The following ACTR3B variants were observed in gnomAD, a reference collection of about 807,000 sequenced individuals.
ACTR3B encodes actin-related protein 3B.
In ACTR3B, 8 loss-of-function variants were observed where a neutral mutation model predicts 59.0. That is an observed-to-expected ratio of 0.14 (90% CI 0.08 to 0.24). The LOEUF (loss-of-function observed/expected upper bound fraction) is 0.24, where lower values mean the gene tolerates loss of function less well. ACTR3B is among the 10% of genes least tolerant of loss of function. ACTR3B has a pLI of 1.00. For synonymous variants in ACTR3B, 148 were observed against 197.9 expected (o/e 0.75, Z 2.12); for missense variants, 245 against 552.3 (o/e 0.44, Z 5.58).
intron 9 of ACTR3B, among the ~76,000 whole-genome samples, chr7:152,837,990 T>G (rs1255183417): frequency 6.6e-6 from 1 of 151,880 alleles, no homozygotes; most frequent in Non-Finnish European, 1.5e-5. Flanking sequence ...AGGGGGGAGG[T>G]ATGCTTTTGT....
At chr7:152,816,291 A>G (rs1260842470) in intron 5 of ACTR3B, among the ~76,000 whole-genome samples, 190 bp from the exon 6 acceptor site, 3 of 151,976 alleles carry the variant, frequency 2.0e-5, no homozygotes, top group African/African-American at 2.4e-5. Flanking sequence ...GTAAGTACTC[A>G]ACATTTTCGT....
intron 1 of ACTR3B, among the ~76,000 whole-genome samples, chr7:152,777,403 A>C (rs1474690517): frequency 6.6e-6 from 1 of 152,210 alleles, no homozygotes; most frequent in East Asian, 1.9e-4. Flanking sequence ...AGTTTATTTA[A>C]AGAGCAATAT....
At chr7:152,827,614 C>G (rs1379799413) in intron 9 of ACTR3B, among the ~76,000 whole-genome samples, 2 of 151,252 alleles carry the variant, frequency 1.3e-5, no homozygotes, top group African/African-American at 4.9e-5. Flanking sequence ...TTGTGGCTGC[C>G]CTTCTGGAAC....
Position 152,824,301 on chromosome 7 carries a change from C to T in ACTR3B, c.859-729C>T, listed in dbSNP as rs1419496238. 6.6e-6 allele frequency among the ~76,000 whole-genome samples: 1 copy of T among 152,142 alleles called. No individual in the cohort carries two copies. Among genetic ancestry groups the T allele is most frequent in the Non-Finnish European group, 1.5e-5 (1 of 68,026 alleles). On this transcript the variant is annotated intron_variant, in intron 8 of 11. Coordinates refer to ENST00000256001, the MANE Select transcript of ACTR3B (RefSeq NM_020445.6). This position sits in a 1 kb window ranked among gnomAD's most constrained non-coding sequence, Gnocchi z 4.2. ...TAATAATGATAATCTAGTGAATGCT[C>T]ACTTTTAATATGTTGATTTGAAATG...
chr7:152,818,621 G>C (rs984354228), intron 6 of ACTR3B, among the ~76,000 whole-genome samples: 5 of 152,174 alleles, frequency 3.3e-5, no homozygotes, highest in African/African-American at 1.2e-4. Context: ...TGACTAATTT[G>C]TATTTTTAGT....
At chr7:152,765,034 A>T (rs569202773) in intron 1 of ACTR3B, among the ~76,000 whole-genome samples, 1 of 151,354 alleles carries the variant, frequency 6.6e-6, no homozygotes, top group African/African-American at 2.4e-5. Context: ...GTGGCCGAGG[A>T]CCTTGATTGT....
At chr7:152,775,132 A>G (rs1310705081) in intron 1 of ACTR3B, among the ~76,000 whole-genome samples, 8 of 148,666 alleles carry the variant, frequency 5.4e-5, no homozygotes, top group Non-Finnish European at 1.2e-4. Context: ...TCAATGCTGC[A>G]ATGAGCTATG....
chr7:152,762,270 G>C (rs541444008), intron 1 of ACTR3B, among the ~76,000 whole-genome samples: 1 of 152,320 alleles, frequency 6.6e-6, no homozygotes, highest in East Asian at 1.9e-4. Flanking sequence ...GGGATGACTA[G>C]GCTGCATAGT....
intron 2 of ACTR3B, among the ~76,000 whole-genome samples, chr7:152,799,928 A>G (rs1239215324): frequency 3.3e-5 from 5 of 152,258 alleles, no homozygotes. Flanking sequence ...TTATTAAAAT[A>G]ATGAATTATA....
intron 4 of ACTR3B, among the ~76,000 whole-genome samples, chr7:152,804,126 T>A (rs370254095): frequency 6.6e-6 from 1 of 152,136 alleles, no homozygotes; most frequent in Admixed American, 6.5e-5. Flanking sequence ...TGCCACTGAC[T>A]GTTTTCAAGG....
intron 9 of ACTR3B, among the ~76,000 whole-genome samples, chr7:152,827,603 G>A (rs538863597): frequency 1.3e-5 from 2 of 151,568 alleles, no homozygotes; most frequent in East Asian, 4.0e-4. Flanking sequence ...CCACCACCGT[G>A]TTGTGGCTGC....
Position 152,821,533 on chromosome 7 carries a change from T to G in ACTR3B, c.684+1091T>G, listed in dbSNP as rs186899215. 1.1e-3 allele frequency among the ~76,000 whole-genome samples: 165 copies of G among 151,982 alleles called. 1 individual carries two copies. The highest frequency in any genetic ancestry group is 2.0e-3 in the Non-Finnish European group (137 of 68,018). ...CGCCCAGGGTCCACTCCAGTGAGTC[T>G]GAGTCCTCCCTATTTCCGCCAGGAT... On this transcript the variant is annotated intron_variant, in intron 7 of 11. Transcript: ENST00000256001.
At chr7:152,770,339 A>T (rs924182321) in intron 1 of ACTR3B, among the ~76,000 whole-genome samples, 4 of 152,176 alleles carry the variant, frequency 2.6e-5, no homozygotes, top group African/African-American at 9.7e-5. Flanking sequence ...AGGTTTCTGA[A>T]GGTACTACTC....
intron 2 of ACTR3B, among the ~76,000 whole-genome samples, chr7:152,788,334 A>G (rs1340754349): frequency 6.6e-6 from 1 of 151,474 alleles, no homozygotes; most frequent in Non-Finnish European, 1.5e-5. Context: ...GAGTATTCCT[A>G]TCCTTGAAGA....
At chr7:152,781,190 G>A (rs1195498884) in intron 1 of ACTR3B, among the ~76,000 whole-genome samples, 2 of 123,776 alleles carry the variant, frequency 1.6e-5, no homozygotes, top group African/African-American at 5.9e-5. Flanking sequence ...ATTCGTTTCA[G>A]TGGTTTTTTT....
chr7:152,852,309 G>T (rs1027223962), intron 10 of ACTR3B, 58 bp downstream of exon 10: 2 of 1,544,282 alleles, frequency 1.3e-6, no homozygotes, highest in East Asian at 2.3e-5. Context: ...CCTGACCGGG[G>T]CCCTCCTGAC....
At chr7:152,811,095 T>G (rs1360689898) in intron 4 of ACTR3B, 1 of 150,086 alleles carries the variant, frequency 6.7e-6, no homozygotes, top group Non-Finnish European at 1.5e-5. Flanking sequence ...GATCTTCTGA[T>G]ACAGACAATG....
At chr7:152,767,571 T>A (rs911637391) in intron 1 of ACTR3B, among the ~76,000 whole-genome samples, 1 of 152,216 alleles carries the variant, frequency 6.6e-6, no homozygotes, top group East Asian at 1.9e-4. Context: ...AACTTAAAAA[T>A]TAATTTAATG....
intron 2 of ACTR3B, among the ~76,000 whole-genome samples, chr7:152,789,051 A>AGCAACAAG (rs754122327): frequency 2.0e-5 from 2 of 99,416 alleles, no homozygotes; most frequent in African/African-American, 6.3e-5. Flanking sequence ...CAACAACAAC[A>AGCAACAAG]AACAGCAACA....
Sources: allele counts gnomAD v4.1 joint callset (sites outside exome capture counted in the v4.1 genomes callset), GRCh38; gene constraint gnomAD v4.1.1; non-coding constraint Gnocchi (gnomAD v3.1); transcripts MANE v1.5; gene names NCBI Gene and HGNC (gene_info 2026-07-23, HGNC 2026-07-21).